Variants in NEK7 observed in about 807,000 individuals in gnomAD.
The protein encoded by NEK7 is serine/threonine-protein kinase Nek7.
In NEK7, 18 loss-of-function variants were observed where a neutral mutation model predicts 44.6. That is an observed-to-expected ratio of 0.40 (90% confidence interval 0.28 to 0.60). NEK7 has a LOEUF of 0.60. NEK7 is among the 20% of genes least tolerant of loss of function. NEK7 has a pLI of 0.38. For missense variants in NEK7, 256 were observed against 366.5 expected (o/e 0.70, Z 2.46); for synonymous variants, 130 against 121.1 (o/e 1.07, Z -0.48).
chr1:198,315,190 C>T (rs984230733), intron 9 of NEK7, among the ~76,000 whole-genome samples: 10 of 152,132 alleles, frequency 6.6e-5, no homozygotes, highest in Non-Finnish European at 1.5e-5. Context: ...TGGGAGTGAC[C>T]TGATTTTCCA....
rs962666387 is a variant in NEK7 at position 198,308,550 on chromosome 1, G to C, written c.799-10862G>C. 2.6e-5 allele frequency among the ~76,000 whole-genome samples: 4 copies of C among 152,184 alleles called. No homozygotes were observed. The East Asian group carries it at 5.8e-4, about 22-fold the overall frequency. Reference sequence around the variant, plus strand: ...GCTATTTCTTGCCTGAAATCTTAAAGGAACTTAATTGAGCATTCTGCTGGC... The same window carrying C: ...GCTATTTCTTGCCTGAAATCTTAAACGAACTTAATTGAGCATTCTGCTGGC... On this transcript the variant is annotated intron_variant, in intron 9 of 9. Coordinates refer to ENST00000367385, the MANE Select transcript of NEK7 (RefSeq NM_133494.3).
chr1:198,225,244 C>T (rs1051673972), intron 1 of NEK7, among the ~76,000 whole-genome samples: 6 of 118,526 alleles, frequency 5.1e-5, no homozygotes, highest in African/African-American at 1.9e-4. Context: ...ACTTGAGAAG[C>T]GTGTAGGTTA....
intron 7 of NEK7, among the ~76,000 whole-genome samples, chr1:198,290,719 G>GAGT (rs1478750727): frequency 2.0e-5 from 3 of 152,112 alleles, no homozygotes; most frequent in Non-Finnish European, 4.4e-5. Flanking sequence ...TCAAAGAGGT[G>GAGT]AGTAGCATCC....
chr1:198,273,453 A>C (rs991364819), intron 5 of NEK7, among the ~76,000 whole-genome samples: 1 of 151,802 alleles, frequency 6.6e-6, no homozygotes, highest in Non-Finnish European at 1.5e-5. Flanking sequence ...GATAAAAATC[A>C]CACTTAGAAC....
intron 9 of NEK7, among the ~76,000 whole-genome samples, chr1:198,305,839 T>C (rs928942039): frequency 6.6e-6 from 1 of 152,150 alleles, no homozygotes; most frequent in Non-Finnish European, 1.5e-5. Context: ...ACCCGAGGAA[T>C]TGGTGTTAGA....
intron 2 of NEK7, among the ~76,000 whole-genome samples, chr1:198,242,225 C>G (rs563001683): frequency 6.6e-6 from 1 of 152,190 alleles, no homozygotes; most frequent in East Asian, 1.9e-4. Context: ...TCCATTCTTG[C>G]TCTACTCATC....
intron 1 of NEK7, among the ~76,000 whole-genome samples, chr1:198,227,080 C>G (rs575416468): frequency 6.4e-4 from 97 of 152,126 alleles, no homozygotes; most frequent in African/African-American, 2.3e-3. Flanking sequence ...CATGTGTTCT[C>G]ATTGTTCAAT....
intron 1 of NEK7, among the ~76,000 whole-genome samples, chr1:198,184,143 G>A (rs767019556): frequency 3.3e-5 from 5 of 152,180 alleles, no homozygotes; most frequent in African/African-American, 9.7e-5. Context: ...GCTGTATAGT[G>A]TGAAAATAGT....
chr1:198,213,436 A>C (rs1450007331), intron 1 of NEK7, among the ~76,000 whole-genome samples: 2 of 152,110 alleles, frequency 1.3e-5, no homozygotes, highest in Non-Finnish European at 2.9e-5. Flanking sequence ...CCCTTTGCCT[A>C]CCACTGCAGA....
chr1:198,297,252 T>C lies in NEK7; in HGVS notation c.798+12T>C. On this transcript the variant is annotated intron_variant, in intron 9 of 9. Transcript: ENST00000367385. ...ACTATTCAGAAGAAGTAAGTCATTT[T>C]CAGCCCACATGTTCTTCTGTTGTCC... The C allele has an allele frequency of 6.2e-7, 1 of 1,612,338 alleles. No homozygotes were observed. Among genetic ancestry groups the C allele is most frequent in the South Asian group, 1.1e-5 (1 of 90,710 alleles).
chr1:198,240,693 T>G (rs774079662), intron 2 of NEK7, among the ~76,000 whole-genome samples: 10 of 147,418 alleles, frequency 6.8e-5, no homozygotes, highest in East Asian at 3.0e-4. Context: ...CAATAATTTT[T>G]TTGTTGTTGT....
intron 7 of NEK7, among the ~76,000 whole-genome samples, chr1:198,290,504 G>T (rs1016494780): frequency 3.3e-5 from 5 of 152,162 alleles, no homozygotes; most frequent in Non-Finnish European, 5.9e-5. Context: ...CAGTTTACGT[G>T]ATGGGGCTGA....
intron 7 of NEK7, among the ~76,000 whole-genome samples, chr1:198,282,411 G>T (rs1238003285): frequency 6.6e-6 from 1 of 152,038 alleles, no homozygotes; most frequent in East Asian, 1.9e-4. Flanking sequence ...CCCAGTTCAT[G>T]ATGTGCCAGC....
intron 1 of NEK7, among the ~76,000 whole-genome samples, chr1:198,223,108 C>A (rs567891284): frequency 6.6e-6 from 1 of 151,354 alleles, no homozygotes; most frequent in South Asian, 2.1e-4. Flanking sequence ...CAGGAGATTA[C>A]TTACAGAATT....
At chr1:198,166,115 T>C (rs1171467714) in intron 1 of NEK7, among the ~76,000 whole-genome samples, 1 of 152,264 alleles carries the variant, frequency 6.6e-6, no homozygotes, top group Non-Finnish European at 1.5e-5. Flanking sequence ...GAAATGTGAC[T>C]GGTTTGATCT....
At chr1:198,310,998 A>G (rs1431036310) in intron 9 of NEK7, among the ~76,000 whole-genome samples, 2 of 148,966 alleles carry the variant, frequency 1.3e-5, no homozygotes, top group African/African-American at 5.0e-5. Context: ...GCTTGATGGG[A>G]ATGGCATTGA....
intron 1 of NEK7, among the ~76,000 whole-genome samples, chr1:198,209,568 T>G (rs1665705091): frequency 6.6e-6 from 1 of 152,196 alleles, no homozygotes; most frequent in Non-Finnish European, 1.5e-5. Flanking sequence ...CATGGAAATT[T>G]GTTTTTGAGT....
intron 1 of NEK7, among the ~76,000 whole-genome samples, chr1:198,169,550 A>G (rs1185827201): frequency 1.3e-5 from 2 of 149,306 alleles, no homozygotes; most frequent in African/African-American, 4.9e-5. Flanking sequence ...TATTTCCTGT[A>G]TATTCCCCTA....
intron 1 of NEK7, among the ~76,000 whole-genome samples, chr1:198,228,719 G>A (rs1666299953): frequency 1.3e-5 from 2 of 152,144 alleles, no homozygotes; most frequent in Non-Finnish European, 2.9e-5. Flanking sequence ...CATTGATTTT[G>A]TATCCTGAGA....
Sources: gnomAD v4.1 joint callset for allele counts (sites outside exome capture counted in the v4.1 genomes callset) on GRCh38, gnomAD v4.1.1 for gene constraint, MANE v1.5 for transcripts, NCBI Gene and HGNC (gene_info 2026-07-23, HGNC 2026-07-21) for gene names.